NCOR1: variants seen among roughly 807,000 people sequenced by gnomAD.
The protein encoded by NCOR1 is protein phosphatase 1, regulatory subunit 109.
Under a neutral mutation model 288.1 loss-of-function variants are expected in NCOR1, and 63 were observed. The observed-to-expected ratio is 0.22, with a 90% CI of 0.18 to 0.27. NCOR1 has a LOEUF of 0.27. Among genes scored for constraint, NCOR1 ranks in the 10% least tolerant of loss-of-function variants. NCOR1 has a pLI of 1.00. For missense variants in NCOR1, 2,397 were observed against 3,019.2 expected (o/e 0.79, Z 4.83); for synonymous variants, 1,007 against 1,065.9 (o/e 0.94, Z 1.08).
At position 16,153,228 on chromosome 17, in the gene NCOR1, G is replaced by C. The variant is rs556924385; in HGVS notation, c.789+111C>G. ...TCATCTCAAGCTACATCTCTGCTCA[G>C]CTACATCTCTCTTATCCCAAAATAA... On this transcript the variant is annotated intron_variant, in intron 7 of 45. Transcript: ENST00000268712. 1.7e-3 allele frequency: 1,218 copies of C among 734,466 alleles called. 6 individuals are homozygous for C. The highest frequency in any genetic ancestry group is 1.9e-3 in the Non-Finnish European group (832 of 443,254). The allele number at this position is 734,466 out of a possible 1,614,324, so 45.5% of individuals were successfully genotyped here. A position where few individuals can be genotyped will look rare whatever the true frequency, so the allele number is the denominator to read the frequency against.
chr17:16,083,640 T>C lies in NCOR1; in HGVS notation c.3177+2642A>G, dbSNP rs554319274. Among the ~76,000 whole-genome samples the C allele has an allele frequency of 2.2e-4, 33 of 151,840 alleles. No individual in the cohort carries two copies. The South Asian group carries it at 6.9e-3, about 32-fold the overall frequency. ...AACTATAATTTGAAGCATTCTCAGA[T>C]GTTTGGGGGGAAACATCCTCGTAAA... On this transcript the variant is annotated intron_variant, in intron 23 of 45. Transcript: ENST00000268712.
intron 6 of NCOR1, among the ~76,000 whole-genome samples, chr17:16,155,626 C>T (rs750919601): frequency 6.6e-6 from 1 of 152,046 alleles, no homozygotes; most frequent in Non-Finnish European, 1.5e-5. Flanking sequence ...AAAATTAACA[C>T]GTTGGGGCAG....
chr17:16,039,794 A>C, intron 43 of NCOR1, 140 bp from the exon 44 acceptor site: 4 of 740,640 alleles, frequency 5.4e-6, no homozygotes, highest in South Asian at 1.8e-5. Context: ...CCACACAGAG[A>C]CCTTTTTTTT....
At chr17:16,177,056 T>C (rs1437933233) in intron 3 of NCOR1, among the ~76,000 whole-genome samples, 2 of 152,032 alleles carry the variant, frequency 1.3e-5, no homozygotes, top group Non-Finnish European at 2.9e-5. Flanking sequence ...TTCTTTCTAA[T>C]TGTCTTAATC....
intron 40 of NCOR1, among the ~76,000 whole-genome samples, chr17:16,056,163 A>G (rs934175234): frequency 1.3e-5 from 2 of 151,962 alleles, no homozygotes; most frequent in African/African-American, 2.4e-5. Context: ...TAGGCTGGAG[A>G]ATCACTTCTG....
At chr17:16,113,172 C>A (rs1230880992) in intron 18 of NCOR1, among the ~76,000 whole-genome samples, 2 of 152,000 alleles carry the variant, frequency 1.3e-5, no homozygotes, top group African/African-American at 4.8e-5. Context: ...TCCTCAGCCT[C>A]CCAAAGTGCT....
chr17:16,108,887 C>T lies in NCOR1; in HGVS notation c.2081G>A (p.Arg694Gln), dbSNP rs2069363131. 6.3e-7 allele frequency: 1 copy of T among 1,597,934 alleles called. No homozygotes were observed. The highest frequency in any genetic ancestry group is 8.5e-7 in the Non-Finnish European group (1 of 1,171,166). ...GACACTTTCACATTGAGACACATCT[C>T]GCTCTTCACGAGGTTTTCGTGAAGT... is the stretch of plus-strand genomic sequence containing the variant. ...QKTSRKPREE[R>Q]DVSQCESVAS... The change falls in exon 19 of 46, where the codon CGA becomes CAA. Residue 694 changes from arginine to glutamine, a missense_variant. Physicochemically the swap from Arg to Gln is conservative, Grantham distance 43. This residue lies in a region of NCOR1 where 1,872 missense variants were observed against 2,187.8 expected (regional missense o/e 0.86). Transcript: ENST00000268712.
intron 14 of NCOR1, among the ~76,000 whole-genome samples, chr17:16,134,133 G>A (rs2076055346): frequency 2.6e-5 from 4 of 152,090 alleles, no homozygotes; most frequent in Admixed American, 2.6e-4. Context: ...CAGCTCAAAA[G>A]GCCTTCAGTT....
At chr17:16,039,851 CGCGATCTTGGCTCACT>C in intron 43 of NCOR1, 197 bp from the exon 44 acceptor site, 1 of 532,166 alleles carries the variant, frequency 1.9e-6, no homozygotes, top group East Asian at 3.4e-5. Context: ...AGTGCAGTGG[CGCGATCTTGGCTCACT>C]GCAACCTCCG....
intron 40 of NCOR1, among the ~76,000 whole-genome samples, chr17:16,054,602 G>GA (rs901008428): frequency 2.0e-5 from 3 of 150,822 alleles, no homozygotes; most frequent in Non-Finnish European, 4.4e-5. Context: ...AGAAGCATAT[G>GA]AAAAAAAAAG....
intron 5 of NCOR1, 132 bp downstream of exon 5, chr17:16,164,847 A>T (rs1599731960): frequency 3.3e-6 from 2 of 603,968 alleles, no homozygotes; most frequent in East Asian, 6.3e-5. Context: ...AACAGTAGCA[A>T]AAAAACAGCA....
chr17:16,046,450 G>A lies in NCOR1; in HGVS notation c.6679+501C>T, dbSNP rs190617878. Among the ~76,000 whole-genome samples, 13 of 152,266 alleles carry A rather than the reference G, an allele frequency of 8.5e-5. No individual in the cohort carries two copies. In the East Asian group the frequency reaches 1.9e-3, roughly 23 times the overall value. On this transcript the variant is annotated intron_variant, in intron 42 of 45. Coordinates refer to ENST00000268712, the MANE Select transcript of NCOR1 (RefSeq NM_006311.4). ...TATACTACTCTATTTTGTATTACTC[G>A]AAACCTAGTGAAAGGCTAGGTTAAA... is the stretch of plus-strand genomic sequence containing the variant.
intron 21 of NCOR1, among the ~76,000 whole-genome samples, chr17:16,093,652 A>G (rs188640690): frequency 6.6e-6 from 1 of 152,160 alleles, no homozygotes; most frequent in Non-Finnish European, 1.5e-5. Flanking sequence ...CCCCTAGCGT[A>G]AGTAGTATTA....
chr17:16,094,643 T>C (rs1205660376), intron 21 of NCOR1, among the ~76,000 whole-genome samples: 1 of 151,892 alleles, frequency 6.6e-6, no homozygotes, highest in Non-Finnish European at 1.5e-5. Flanking sequence ...CGCTGCCATC[T>C]CGGCTCACTG....
chr17:16,060,589 T>C (rs1009653825), intron 37 of NCOR1, among the ~76,000 whole-genome samples: 3 of 152,170 alleles, frequency 2.0e-5, no homozygotes, highest in African/African-American at 7.2e-5. Flanking sequence ...AGATATGACG[T>C]AAACAAATTA....
At chr17:16,149,988 TTC>T (rs894958135) in intron 8 of NCOR1, among the ~76,000 whole-genome samples, 5 of 152,114 alleles carry the variant, frequency 3.3e-5, no homozygotes, top group Non-Finnish European at 5.9e-5. Flanking sequence ...ACAGAAGATT[TTC>T]TTCAGTCACA....
At chr17:16,146,163 G>A (rs2077970262) in intron 10 of NCOR1, among the ~76,000 whole-genome samples, 1 of 152,026 alleles carries the variant, frequency 6.6e-6, no homozygotes, top group Non-Finnish European at 1.5e-5. Flanking sequence ...CACTGCAGAA[G>A]GCCGCAGGGT....
chr17:16,038,769 G>T (rs2056963260), intron 44 of NCOR1, among the ~76,000 whole-genome samples: 1 of 150,926 alleles, frequency 6.6e-6, no homozygotes, highest in African/African-American at 2.5e-5. Flanking sequence ...TATTGTGTGT[G>T]TCTGTGTATG....
chr17:16,175,187 T>C (rs1460340418), intron 3 of NCOR1, among the ~76,000 whole-genome samples: 2 of 151,928 alleles, frequency 1.3e-5, no homozygotes, highest in African/African-American at 4.8e-5. Flanking sequence ...ACCAACAAGG[T>C]GAAAGCCCGT....
Sources: gnomAD v4.1 joint callset for allele counts (sites outside exome capture counted in the v4.1 genomes callset) on GRCh38, gnomAD v4.1.1 for gene constraint, gnomAD v4.1.1 regional missense constraint, MANE v1.5 for transcripts, NCBI Gene and HGNC (gene_info 2026-07-23, HGNC 2026-07-21) for gene names.